The following GALNT7 variants were observed in gnomAD, a reference collection of about 807,000 sequenced individuals.
The protein encoded by GALNT7 is N-acetylgalactosaminyltransferase 7.
In GALNT7, 60 loss-of-function variants were observed where a neutral mutation model predicts 82.1. The observed-to-expected ratio is 0.73, with a 90% CI of 0.59 to 0.91. The LOEUF (loss-of-function observed/expected upper bound fraction) is 0.91. Ranked by LOEUF, GALNT7 falls within the 40% of genes least tolerant of loss-of-function variation. The probability of loss-of-function intolerance (pLI) is 0.00; values close to 1 mark genes in which losing one functional copy is unlikely to be tolerated. For missense variants in GALNT7, 660 were observed against 804.2 expected (o/e 0.82, Z 2.17); for synonymous variants, 243 against 275.1 (o/e 0.88, Z 1.15).
intron 1 of GALNT7, among the ~76,000 whole-genome samples, chr4:173,212,701 G>T (rs1244450511): frequency 6.9e-6 from 1 of 145,756 alleles, no homozygotes; most frequent in Non-Finnish European, 1.5e-5. Context: ...ATAGTGATTT[G>T]CTTATAATAA....
intron 1 of GALNT7, among the ~76,000 whole-genome samples, chr4:173,239,990 A>G (rs1047486071): frequency 6.6e-5 from 10 of 152,146 alleles, no homozygotes. Context: ...CACTGCCAAA[A>G]CCACTTTTAA....
intron 1 of GALNT7, among the ~76,000 whole-genome samples, chr4:173,212,423 C>T (rs879331452): frequency 1.2e-4 from 19 of 152,176 alleles, no homozygotes; most frequent in Admixed American, 5.2e-4. Flanking sequence ...AGGTCCAAAA[C>T]GTTTAAACAG....
intron 2 of GALNT7, among the ~76,000 whole-genome samples, chr4:173,265,746 C>A (rs1735463426): frequency 6.8e-6 from 1 of 147,986 alleles, no homozygotes. Flanking sequence ...GAATTTCTTC[C>A]ACATGTCTTT....
rs143742473 is a variant in GALNT7, at chr4:173,240,135, C to T, written c.127-7845C>T. Among the ~76,000 whole-genome samples the T allele has an allele frequency of 5.7e-3, 871 of 152,162 alleles. 8 individuals carry two copies. The highest frequency in any genetic ancestry group is 0.02 in the African/African-American group (833 of 41,520). ...AACACTTTAAATAAATGTATATCATCTAAAGAAAGTTATACTTGTCCATTA... is the reference window on the plus strand; with the variant it reads ...AACACTTTAAATAAATGTATATCATTTAAAGAAAGTTATACTTGTCCATTA... On this transcript the variant is annotated intron_variant, in intron 1 of 11. Coordinates refer to ENST00000265000, the MANE Select transcript of GALNT7 (RefSeq NM_017423.3).
intron 1 of GALNT7, among the ~76,000 whole-genome samples, chr4:173,173,125 T>C (rs922134260): frequency 2.0e-5 from 3 of 152,164 alleles, no homozygotes; most frequent in African/African-American, 4.8e-5. Context: ...GATTTGGCTA[T>C]TGGATATGGT....
chr4:173,220,827 G>C (rs575108225), intron 1 of GALNT7, among the ~76,000 whole-genome samples: 2 of 152,198 alleles, frequency 1.3e-5, no homozygotes, highest in East Asian at 3.9e-4. Context: ...CAAAGGACGT[G>C]AACTCATCAT....
At chr4:173,233,720 C>T (rs891541215) in intron 1 of GALNT7, among the ~76,000 whole-genome samples, 7 of 152,168 alleles carry the variant, frequency 4.6e-5, no homozygotes, top group Non-Finnish European at 1.0e-4. Flanking sequence ...TGCTTTGGCT[C>T]CCATCCCTTC....
chr4:173,299,522 A>C (rs1736840806), intron 6 of GALNT7, among the ~76,000 whole-genome samples: 1 of 152,186 alleles, frequency 6.6e-6, no homozygotes, highest in Non-Finnish European at 1.5e-5. Context: ...TCAAGTATAT[A>C]CTGAGATGAA....
chr4:173,226,148 A>G lies in GALNT7; in HGVS notation c.127-21832A>G, dbSNP rs561246553. Among the ~76,000 whole-genome samples, 3 of 152,288 alleles carry G rather than the reference A, an allele frequency of 2.0e-5. No homozygotes were observed. In the East Asian group the frequency reaches 5.8e-4, roughly 29 times the overall value. On this transcript the variant is annotated intron_variant, in intron 1 of 11. Coordinates refer to ENST00000265000, the MANE Select transcript of GALNT7 (RefSeq NM_017423.3). ...GATCGCTGATCACAGTGTCCACCACATCTCCAGTAAATTTGCTATAATTTC... is the reference window on the plus strand; with the variant it reads ...GATCGCTGATCACAGTGTCCACCACGTCTCCAGTAAATTTGCTATAATTTC...
intron 1 of GALNT7, among the ~76,000 whole-genome samples, chr4:173,180,007 A>G (rs1732192226): frequency 6.6e-6 from 1 of 152,182 alleles, no homozygotes; most frequent in Non-Finnish European, 1.5e-5. Flanking sequence ...GCATAAATTA[A>G]AACTATCAGT....
At chr4:173,178,050 T>TGCGCGCGCGC (rs539639870) in intron 1 of GALNT7, among the ~76,000 whole-genome samples, 82 of 117,612 alleles carry the variant, frequency 7.0e-4, no homozygotes, top group African/African-American at 1.2e-3. Flanking sequence ...TGTGTGTGTG[T>TGCGCGCGCGC]GTGCGCGCAC....
chr4:173,237,876 A>G (rs1298527570), intron 1 of GALNT7, among the ~76,000 whole-genome samples: 1 of 152,170 alleles, frequency 6.6e-6, no homozygotes, highest in African/African-American at 2.4e-5. Flanking sequence ...TCTAGGTACT[A>G]AAGTAGGGTT....
chr4:173,193,801 T>A (rs1732694917), intron 1 of GALNT7, among the ~76,000 whole-genome samples: 1 of 152,192 alleles, frequency 6.6e-6, no homozygotes, highest in Non-Finnish European at 1.5e-5. Flanking sequence ...TTAATATCCT[T>A]TCTAAAGAAT....
At chr4:173,294,096 C>CT (rs1164485500) in intron 3 of GALNT7, among the ~76,000 whole-genome samples, 1 of 152,150 alleles carries the variant, frequency 6.6e-6, no homozygotes, top group African/African-American at 2.4e-5. Flanking sequence ...CCATTTCCCC[C>CT]TTTGGTCCAT....
At position 173,298,169 on chromosome 4, in the gene GALNT7, T is replaced by A; in HGVS notation, c.1020T>A (p.Ile340=). 1 of 1,613,924 alleles carries A rather than the reference T, an allele frequency of 6.2e-7. No homozygotes were observed. Among genetic ancestry groups the A allele is most frequent in the African/African-American group, 1.3e-5 (1 of 75,018 alleles). ...TCATAAATGGCAACACATATGAAAT[T>A]ATACCCCAAGGGGGTGGTGATGAAG... ...IDVINGNTYE[I]IPQGGGDEDG... Residue 340 remains isoleucine (I), a synonymous_variant, in exon 6 of 12, where the codon ATT becomes ATA. Coordinates refer to ENST00000265000, the MANE Select transcript of GALNT7 (RefSeq NM_017423.3).
chr4:173,242,209 A>G (rs2332668), intron 1 of GALNT7, among the ~76,000 whole-genome samples: 83,699 of 151,792 alleles, frequency 0.55, 25,142 homozygotes, highest in East Asian at 0.73. Flanking sequence ...AAAGAAAGGG[A>G]AAAAAAAGAT....
chr4:173,287,381 G>C (rs1471416618), intron 2 of GALNT7, among the ~76,000 whole-genome samples: 1 of 152,240 alleles, frequency 6.6e-6, no homozygotes, highest in Non-Finnish European at 1.5e-5. Context: ...ATCTTGGAAG[G>C]CCTCTATACG....
intron 1 of GALNT7, among the ~76,000 whole-genome samples, chr4:173,245,364 AT>A (rs771320669): frequency 1.2e-4 from 19 of 152,288 alleles, no homozygotes; most frequent in South Asian, 2.1e-4. Flanking sequence ...TATGGCGTGT[AT>A]TTCACAATTT....
intron 2 of GALNT7, among the ~76,000 whole-genome samples, chr4:173,273,705 C>A (rs1735806649): frequency 6.6e-6 from 1 of 152,148 alleles, no homozygotes; most frequent in African/African-American, 2.4e-5. Context: ...CTGGTATATA[C>A]TTCTAAAACC....
Sources: gnomAD v4.1 joint callset for allele counts (sites outside exome capture counted in the v4.1 genomes callset) on GRCh38, gnomAD v4.1.1 for gene constraint, MANE v1.5 for transcripts, NCBI Gene and HGNC (gene_info 2026-07-23, HGNC 2026-07-21) for gene names.